The following SERPINF1 variants were observed in gnomAD, a reference collection of about 807,000 sequenced individuals.
The protein encoded by SERPINF1 is serpin family F member 1, also known as pigment epithelium-derived factor.
Under a neutral mutation model 37.3 loss-of-function variants are expected in SERPINF1, and 29 were observed. The ratio of observed to expected loss-of-function variants is 0.78; its 90% CI spans 0.58 to 1.06. The LOEUF (loss-of-function observed/expected upper bound fraction) is 1.06, where lower values mean the gene tolerates loss of function less well. Among genes scored for constraint, SERPINF1 ranks in the 50% least tolerant of loss-of-function variants. SERPINF1 has a pLI of 0.00. For synonymous variants in SERPINF1, 281 were observed against 227.9 expected (o/e 1.23, Z -2.10); for missense variants, 553 against 532.2 (o/e 1.04, Z -0.38).
rs747528885 is a variant in SERPINF1, at chr17:1,772,064, C to T, written c.632C>T (p.Ala211Val). ...ATCAGCATTCTCCTTCTCGGTGTGG[C>T]GCACTTCAAGGGTGAGCGCGTCTCC... ...DEISILLLGV[A>V]HFKGQWVTKF... is the part of the protein sequence containing the mutation. The change falls in exon 5 of 8, where the codon GCG (alanine) becomes GTG (valine). Residue 211 changes from alanine to valine, a missense_variant. Transcript: ENST00000254722. 1.4e-5 allele frequency: 22 copies of T among 1,612,062 alleles called. No individual in the cohort carries two copies. The highest frequency in any genetic ancestry group is 3.3e-5 in the South Asian group (3 of 90,922).
intron 5 of SERPINF1, among the ~76,000 whole-genome samples, chr17:1,774,180 G>A (rs113753208): frequency 0.017 from 2,549 of 152,224 alleles, 69 homozygotes; most frequent in African/African-American, 0.058. Flanking sequence ...CTGTAGGAGT[G>A]CACACCAGTT....
At chr17:1,773,494 C>T (rs193271040) in intron 5 of SERPINF1, among the ~76,000 whole-genome samples, 11 of 152,288 alleles carry the variant, frequency 7.2e-5, no homozygotes, top group East Asian at 5.8e-4. Flanking sequence ...ATGATCCACC[C>T]GCCTCGGCCT....
chr17:1,768,308 G>A (rs1340409455), intron 2 of SERPINF1, among the ~76,000 whole-genome samples: 2 of 151,678 alleles, frequency 1.3e-5, no homozygotes, highest in African/African-American at 4.8e-5. Flanking sequence ...GGGGGCGCCT[G>A]TAGTCCCAGC....
intron 7 of SERPINF1, 65 bp downstream of exon 7, chr17:1,776,807 C>A: frequency 6.8e-7 from 1 of 1,477,212 alleles, no homozygotes; most frequent in Non-Finnish European, 9.5e-7. Flanking sequence ...TTGGGCCTTC[C>A]ACTGTGCTAA....
rs71150813 is a variant in SERPINF1 at position 1,768,430 on chromosome 17, CAAAA to C, written c.85-1409_85-1406del. Among the ~76,000 whole-genome samples, 15 of 91,794 alleles carry C rather than the reference CAAAA, an allele frequency of 1.6e-4. No homozygotes were observed. In the East Asian group the frequency reaches 4.8e-3, roughly 29 times the overall value. The allele number at this position is 91,794 out of a possible 152,430, so 60.2% of individuals were successfully genotyped here. ...TGGGCGACAGAGTGAGACTCCGTCT[CAAAA>C]AAAAAAAAAAAAGAAAGAAAGAAAA... On this transcript the variant is annotated intron_variant, in intron 2 of 7. Coordinates refer to ENST00000254722, the MANE Select transcript of SERPINF1 (RefSeq NM_002615.7).
At chr17:1,775,782 C>T (rs1372131873) in intron 6 of SERPINF1, among the ~76,000 whole-genome samples, 2 of 152,232 alleles carry the variant, frequency 1.3e-5, no homozygotes, top group Non-Finnish European at 2.9e-5. Context: ...GATCCGCCTG[C>T]CTCGGTCTCC....
chr17:1,770,923 C>T (rs1364141054), intron 3 of SERPINF1, 106 bp from the exon 4 acceptor site: 2 of 1,396,610 alleles, frequency 1.4e-6, no homozygotes, highest in Non-Finnish European at 2.0e-6. Flanking sequence ...CCTACTTGGG[C>T]TCTCAGCAGA....
chr17:1,768,216 G>C (rs1907501110), intron 2 of SERPINF1, among the ~76,000 whole-genome samples: 1 of 152,000 alleles, frequency 6.6e-6, no homozygotes, highest in Non-Finnish European at 1.5e-5. Context: ...TGGATCACGA[G>C]GTCAGGAGAT....
In SERPINF1 at chr17:1,772,053, T is replaced by C; in HGVS notation, c.621T>C (p.Leu207=). The change falls in exon 5 of 8, where the codon CTT becomes CTC. Residue 207 remains leucine (L), a synonymous_variant. Transcript: ENST00000254722. ...TTCCCGATGAGATCAGCATTCTCCT[T>C]CTCGGTGTGGCGCACTTCAAGGGTG... The part of the protein sequence containing the change: ...KEIPDEISIL[L]LGVAHFKGQW... 1 of 1,613,770 alleles carries C rather than the reference T, an allele frequency of 6.2e-7. No homozygotes were observed. Among genetic ancestry groups the C allele is most frequent in the Admixed American group, 1.7e-5 (1 of 59,990 alleles).
Position 1,771,899 on chromosome 17 carries a change from C to T in SERPINF1, c.467C>T (p.Ala156Val). 5 of 1,613,600 alleles carry T rather than the reference C, an allele frequency of 3.1e-6. No homozygotes were observed. The highest frequency in any genetic ancestry group is 4.2e-6 in the Non-Finnish European group (5 of 1,179,980). The change falls in exon 5 of 8, where the codon GCA becomes GTA. Residue 156 changes from alanine (A) to valine (V), a missense_variant. Ala to Val is a moderately conservative substitution (Grantham distance 64). Coordinates refer to ENST00000254722, the MANE Select transcript of SERPINF1 (RefSeq NM_002615.7). ...CTGCGCATAAAATCCAGCTTTGTGG[C>T]ACCTCTGGAAAAGTCATATGGGACC... ...KKLRIKSSFV[A>V]PLEKSYGTRP...
At chr17:1,775,545 A>AT (rs1289667960) in intron 6 of SERPINF1, among the ~76,000 whole-genome samples, 2 of 133,126 alleles carry the variant, frequency 1.5e-5, no homozygotes, top group East Asian at 4.0e-4. Context: ...AATCGTTGGC[A>AT]TCTTTTTTTT....
chr17:1,771,903 T>C lies in SERPINF1; in HGVS notation c.471T>C (p.Pro157=). ...KLRIKSSFVA[P]LEKSYGTRPR... ...GCATAAAATCCAGCTTTGTGGCACC[T>C]CTGGAAAAGTCATATGGGACCAGGC... Residue 157 remains proline (P), a synonymous_variant, in exon 5 of 8, where the codon CCT becomes CCC. Coordinates refer to ENST00000254722, the MANE Select transcript of SERPINF1 (RefSeq NM_002615.7). 1 of 1,613,692 alleles carries C rather than the reference T, an allele frequency of 6.2e-7. No homozygotes were observed. Among genetic ancestry groups the C allele is most frequent in the Non-Finnish European group, 8.5e-7 (1 of 1,179,984 alleles).
chr17:1,772,660 A>G (rs1907822028), intron 5 of SERPINF1, among the ~76,000 whole-genome samples: 1 of 151,392 alleles, frequency 6.6e-6, no homozygotes, highest in African/African-American at 2.4e-5. Flanking sequence ...CCAGGTTCAC[A>G]CCATTCTCCT....
chr17:1,777,060 C>T lies in SERPINF1; in HGVS notation c.998-127C>T, dbSNP rs985479587. 3.4e-6 allele frequency: 5 copies of T among 1,468,876 alleles called. No individual in the cohort carries two copies. The African/African-American group carries it at 6.9e-5, about 20-fold the overall frequency. 91.0% of individuals were successfully genotyped at this position (1,468,876 alleles called of 1,614,324 possible). On this transcript the variant is annotated intron_variant, in intron 7 of 7. Coordinates refer to ENST00000254722, the MANE Select transcript of SERPINF1 (RefSeq NM_002615.7). ...CAAGTCACTCCACCCTCGGTCAGCT[C>T]AGACCTCTTCAGGCCTCAGAGAAAG...
chr17:1,767,158 C>T (rs944558192), intron 2 of SERPINF1, among the ~76,000 whole-genome samples, 164 bp downstream of exon 2: 4 of 152,158 alleles, frequency 2.6e-5, no homozygotes, highest in African/African-American at 9.7e-5. Flanking sequence ...GAGAAAATGT[C>T]TTGCCTTGCC....
chr17:1,777,127 C>A, intron 7 of SERPINF1, 60 bp from the exon 8 acceptor site: 1 of 1,612,944 alleles, frequency 6.2e-7, no homozygotes, highest in Middle Eastern at 1.7e-4. Context: ...CAAAGGGATC[C>A]CTTGGTTGGG....
At chr17:1,764,790 T>A (rs1907269356) in intron 1 of SERPINF1, among the ~76,000 whole-genome samples, 2 of 151,942 alleles carry the variant, frequency 1.3e-5, no homozygotes, top group Admixed American at 1.3e-4. Flanking sequence ...AAGGATGATG[T>A]GTTGGGGGCC....
intron 5 of SERPINF1, 140 bp from the exon 6 acceptor site, chr17:1,774,918 T>G: frequency 1.0e-6 from 1 of 980,520 alleles, no homozygotes; most frequent in Non-Finnish European, 1.6e-6. Flanking sequence ...GATAGGCCTA[T>G]TCCCTGAGGC....
rs1363938043 is a variant in SERPINF1, at chr17:1,770,865, C to G, written c.284-164C>G. 4.6e-6 allele frequency: 4 copies of G among 866,328 alleles called. No individual in the cohort carries two copies. In the African/African-American group the frequency reaches 6.6e-5, roughly 14 times the overall value. 53.7% of individuals were successfully genotyped at this position (866,328 alleles called of 1,614,324 possible). ...TGCCTTTAACCTACTTCAGGAAAAT[C>G]TCTAAGGATGAAAATTCCTTGGCCA... On this transcript the variant is annotated intron_variant, in intron 3 of 7. Transcript: ENST00000254722.
Sources: gnomAD v4.1 joint callset for allele counts (sites outside exome capture counted in the v4.1 genomes callset) on GRCh38, gnomAD v4.1.1 for gene constraint, MANE v1.5 for transcripts, NCBI Gene and HGNC (gene_info 2026-07-23, HGNC 2026-07-21) for gene names.